LAMB4: variants seen among roughly 807,000 people sequenced by gnomAD.
The protein encoded by LAMB4 is laminin subunit beta 4.
In LAMB4, 196 loss-of-function variants were observed where a neutral mutation model predicts 199.2. The ratio of observed to expected loss-of-function variants is 0.98; its 90% CI spans 0.88 to 1.11. LAMB4 has a LOEUF of 1.11. Among genes scored for constraint, LAMB4 ranks in the 50% least tolerant of loss-of-function variants. LAMB4 has a pLI of 0.00. For missense variants in LAMB4, 2,080 were observed against 2,171.2 expected, an observed-to-expected ratio of 0.96 and a Z score of 0.83; for synonymous variants, 744 against 770.6, an observed-to-expected ratio of 0.97 and a Z score of 0.57.
intron 1 of LAMB4, among the ~76,000 whole-genome samples, chr7:108,126,298 A>G (rs983503901): frequency 6.6e-6 from 1 of 152,188 alleles, no homozygotes; most frequent in African/African-American, 2.4e-5. Context: ...TTACATTTAC[A>G]TTGTGTGCAA....
intron 29 of LAMB4, 72 bp downstream of exon 29, chr7:108,043,680 C>G (rs561776262): frequency 6.8e-6 from 4 of 587,278 alleles, no homozygotes; most frequent in Non-Finnish European, 9.0e-6. Flanking sequence ...CCTGGGTTCA[C>G]GTATGATGTT....
intron 17 of LAMB4, among the ~76,000 whole-genome samples, chr7:108,071,983 C>T (rs2036550128): frequency 6.6e-6 from 1 of 151,856 alleles, no homozygotes. Context: ...ATCCTCTCAA[C>T]CCCATGGTCC....
Position 108,078,233 on chromosome 7 carries a change from C to T in LAMB4, c.1971G>A (p.Lys657=), listed in dbSNP as rs1265870434. The T allele has an allele frequency of 1.9e-6, 3 of 1,611,362 alleles. No individual in the cohort carries two copies. Among genetic ancestry groups the T allele is most frequent in the Non-Finnish European group, 1.7e-6 (2 of 1,178,812 alleles). The part of the protein sequence containing the change: ...EHCIPKTLQS[K]PQSFALPAAT... ...CCGCTGGTAAGGCAAAAGACTGAGG[C>T]TTTGACTGTAGAGTCTTGGGTATGC... Residue 657 remains lysine (K), a synonymous_variant, in exon 16 of 34, where the codon AAG becomes AAA. Transcript: ENST00000388781.
intron 22 of LAMB4, 45 bp from the exon 23 acceptor site, chr7:108,063,039 G>A (rs374130944): frequency 9.1e-6 from 12 of 1,325,604 alleles, no homozygotes; most frequent in African/African-American, 1.5e-5. Flanking sequence ...AATGATAAAT[G>A]TGGCATTTAG....
rs560217750 is a variant in LAMB4 at position 108,123,338 on chromosome 7, A to G, written c.-33-141T>C. 32 of 424,968 alleles carry G rather than the reference A, an allele frequency of 7.5e-5. No individual in the cohort carries two copies. In the South Asian group the frequency reaches 1.1e-3, roughly 15 times the overall value. 26.3% of individuals were successfully genotyped at this position (424,968 alleles called of 1,614,324 possible). ...ATAACCACACTGTCCAGATCCTCAA[A>G]AAATAAGAGTGCATAAACATTTTAA... On this transcript the variant is annotated intron_variant, in intron 1 of 33. Transcript: ENST00000388781.
At chr7:108,094,942 T>C (rs2037540036) in intron 12 of LAMB4, among the ~76,000 whole-genome samples, 1 of 152,156 alleles carries the variant, frequency 6.6e-6, no homozygotes, top group Non-Finnish European at 1.5e-5. Flanking sequence ...TTCTACTGCT[T>C]GGCATTTTCA....
At chr7:108,109,553 A>G (rs2150667161) in intron 4 of LAMB4, among the ~76,000 whole-genome samples, 1 of 152,358 alleles carries the variant, frequency 6.6e-6, no homozygotes, top group South Asian at 2.1e-4. Flanking sequence ...AAAGAGAGAA[A>G]GAGAGGGTTC....
intron 14 of LAMB4, among the ~76,000 whole-genome samples, chr7:108,088,144 C>T (rs1431796307): frequency 6.6e-6 from 1 of 151,474 alleles, no homozygotes; most frequent in African/African-American, 2.4e-5. Flanking sequence ...CATCACATTC[C>T]ATGCAAAGCT....
chr7:108,035,604 C>CAAAAAAAAAAAAAAAAAAAA (rs34425857), intron 30 of LAMB4, among the ~76,000 whole-genome samples: 2 of 79,944 alleles, frequency 2.5e-5, no homozygotes, highest in South Asian at 4.5e-4. Flanking sequence ...TAGAGAGTAC[C>CAAAAAAAAAAAAAAAAAAAA]AAAAAAAAAA....
At position 108,034,332 on chromosome 7, in the gene LAMB4, A is replaced by C. The variant is rs771087039; in HGVS notation, c.4694T>G (p.Ile1565Ser). ...CAATGTTTTGTCAAGATTTAATAGA[A>C]TATTTGCTGCTTTCCTAAGGTAAGA... ...KAKAAEKAAN[I>S]LLNLDKTLNQ... Residue 1565 changes from isoleucine (I) to serine (S), a missense_variant, in exon 31 of 34, where the codon ATT (isoleucine) becomes AGT (serine). By Grantham distance (142) the Ile-to-Ser change is moderately radical. Transcript: ENST00000388781. 6.2e-7 allele frequency: 1 copy of C among 1,609,544 alleles called. No homozygotes were observed.
In LAMB4 at chr7:108,049,525, G is replaced by T; in HGVS notation, c.3923C>A (p.Ser1308Ter). 6.3e-7 allele frequency: 1 copy of T among 1,595,234 alleles called. No individual in the cohort carries two copies. Residue 1308 changes from serine to a stop codon, truncating the protein, a stop_gained, in exon 27 of 34, where the codon TCA becomes TAA. Transcript: ENST00000388781. LOFTEE classifies it high-confidence loss of function. ...SVLNASIADS[S>*]ENIKKYYHIS... Reference sequence around the variant, plus strand: ...GTGATAATATTTCTTGATGTTTTCTGAGGAGTCTACGTCAATGCAAATTGA... The same window carrying T: ...GTGATAATATTTCTTGATGTTTTCTTAGGAGTCTACGTCAATGCAAATTGA...
intron 18 of LAMB4, among the ~76,000 whole-genome samples, chr7:108,068,954 G>T (rs1223441493): frequency 6.6e-6 from 1 of 152,170 alleles, no homozygotes. Flanking sequence ...CCAAAGTGCT[G>T]GGATTACAGG....
chr7:108,070,841 C>T lies in LAMB4; in HGVS notation c.2125-956G>A, dbSNP rs77437188. 9.6e-3 allele frequency among the ~76,000 whole-genome samples: 1,468 copies of T among 152,226 alleles called. 16 individuals are homozygous for T. The highest frequency in any genetic ancestry group is 0.048 in the Middle Eastern group (14 of 294). ...ATTGTTCAAAAGTCATCTGTATTTA[C>T]CAGTGTCTCCTCTTTCTGCTGTACT... On this transcript the variant is annotated intron_variant, in intron 17 of 33. Coordinates refer to ENST00000388781, the MANE Select transcript of LAMB4 (RefSeq NM_007356.3).
Position 108,062,824 on chromosome 7 carries a change from G to T in LAMB4, c.3232C>A (p.Gln1078Lys). 6.5e-7 allele frequency: 1 copy of T among 1,547,574 alleles called. No individual in the cohort carries two copies. The highest frequency in any genetic ancestry group is 8.7e-7 in the Non-Finnish European group (1 of 1,148,412). ...YWNLVPGRGCQSCDCDPRTSQ... is the reference protein window; with the variant it reads ...YWNLVPGRGCKSCDCDPRTSQ... ...GTCCTAGGGTCACAGTCACATGACT[G>T]ACATCCTCTGCCAGGGACCAGATTC... Residue 1078 changes from glutamine to lysine, a missense_variant, in exon 23 of 34, where the codon CAG becomes AAG. Physicochemically the swap from Gln to Lys is moderately conservative, Grantham distance 53 (BLOSUM62 1). Coordinates refer to ENST00000388781, the MANE Select transcript of LAMB4 (RefSeq NM_007356.3).
chr7:108,026,219 G>T (rs973889534), intron 33 of LAMB4, among the ~76,000 whole-genome samples: 1 of 152,110 alleles, frequency 6.6e-6, no homozygotes, highest in South Asian at 2.1e-4. Flanking sequence ...TGCATTCTTT[G>T]TAGTTCTTCC....
In LAMB4 at chr7:108,105,843, C is replaced by CATAGG; in HGVS notation, c.843_844insCCTAT (p.Gly282ProfsTer66). 6.2e-7 allele frequency: 1 copy of CATAGG among 1,614,232 alleles called. No individual in the cohort carries two copies. On this transcript the variant is annotated frameshift_variant, in exon 8 of 34. Transcript: ENST00000388781. LOFTEE classifies it high-confidence loss of function. The stretch of plus-strand genomic sequence containing the variant: ...ATTCCAGGAGGGCTGAAAACATCTC[C>CATAGG]CCGCATCTTCTGCATAGGGCGACAT...
At chr7:108,037,707 C>T in intron 29 of LAMB4, 112 bp from the exon 30 acceptor site, 2 of 746,314 alleles carry the variant, frequency 2.7e-6, no homozygotes, top group Non-Finnish European at 4.6e-6. Flanking sequence ...TGATTATGTG[C>T]CCCTAGAATA....
At chr7:108,120,256 C>T (rs1026313556) in intron 2 of LAMB4, among the ~76,000 whole-genome samples, 2 of 152,008 alleles carry the variant, frequency 1.3e-5, no homozygotes, top group South Asian at 4.2e-4. Flanking sequence ...TCGATTTGAC[C>T]TCCAAAATAG....
In LAMB4 at chr7:108,052,125, T is replaced by C. The variant is rs905983239; in HGVS notation, c.3888A>G (p.Gln1296=). The C allele has an allele frequency of 1.2e-6, 2 of 1,611,786 alleles. No homozygotes were observed. Among genetic ancestry groups the C allele is most frequent in the African/African-American group, 1.3e-5 (1 of 74,894 alleles). ...LEDLQEEIDL[Q]SSVLNASIAD... ...CAATGCTTGCATTAAGGACACTGGA[T>C]TGCAAATCAATTTCTTCCTGAAGGT... The change falls in exon 26 of 34, where the codon CAA becomes CAG. Residue 1296 remains glutamine (Q), a synonymous_variant. Coordinates refer to ENST00000388781, the MANE Select transcript of LAMB4 (RefSeq NM_007356.3).
Sources: allele counts gnomAD v4.1 joint callset (sites outside exome capture counted in the v4.1 genomes callset), GRCh38; gene constraint gnomAD v4.1.1; transcripts MANE v1.5; gene names NCBI Gene and HGNC (gene_info 2026-07-23, HGNC 2026-07-21).